UQCRC1: variants seen among roughly 807,000 people sequenced by gnomAD.
The protein encoded by UQCRC1 is cytochrome b-c1 complex subunit 1, mitochondrial.
UQCRC1 carries 34 observed loss-of-function variants against 58.0 expected under a neutral mutation model. That is an observed-to-expected ratio of 0.59 (90% CI 0.45 to 0.78). UQCRC1 has a LOEUF of 0.78. Among genes scored for constraint, UQCRC1 ranks in the 30% least tolerant of loss-of-function variants. The pLI is 0.00. For missense variants in UQCRC1, 610 were observed against 646.0 expected (o/e 0.94, Z 0.60); for synonymous variants, 276 against 248.8 (o/e 1.11, Z -1.03).
chr3:48,599,184 C>A lies in UQCRC1; in HGVS notation c.1387G>T (p.Glu463Ter), dbSNP rs768507724. ...ATCCGGTTGTAGTCTGGGAGCTGCT[C>A]AATGGGGCCTGTGGGGATAGGGTGG... ...CPAVAGYGPI[E>*]QLPDYNRIRS... The change falls in exon 13 of 13, where the codon GAG (glutamate) becomes TAG (stop). Residue 463 changes from glutamate to a stop codon, truncating the protein, a stop_gained. Transcript: ENST00000203407. LOFTEE classifies it high-confidence loss of function. The A allele has an allele frequency of 6.2e-7, 1 of 1,607,522 alleles. No individual in the cohort carries two copies. Among genetic ancestry groups the A allele is most frequent in the Non-Finnish European group, 8.5e-7 (1 of 1,176,024 alleles).
intron 3 of UQCRC1, 21 bp from the exon 4 acceptor site, chr3:48,604,801 G>C: frequency 6.2e-7 from 1 of 1,613,440 alleles, no homozygotes; most frequent in Non-Finnish European, 8.5e-7. Context: ...ATATCAACCA[G>C]AACAATCAGG....
intron 6 of UQCRC1, among the ~76,000 whole-genome samples, chr3:48,602,751 T>C (rs1285399669): frequency 1.3e-5 from 2 of 151,200 alleles, no homozygotes; most frequent in Non-Finnish European, 3.0e-5. Context: ...TCGAACTCCT[T>C]ACCTCAGGTG....
At chr3:48,603,894 G>C in intron 5 of UQCRC1, 1 of 587,422 alleles carries the variant, frequency 1.7e-6, no homozygotes. Flanking sequence ...GAGAAGGCGT[G>C]AGCCAACACT....
At chr3:48,600,440 C>G in intron 10 of UQCRC1, 42 bp downstream of exon 10, 2 of 1,610,024 alleles carry the variant, frequency 1.2e-6, no homozygotes, top group Non-Finnish European at 1.7e-6. Context: ...CTGTCGCTGG[C>G]AAGATGTACT....
At chr3:48,605,611 T>G (rs888752836) in intron 3 of UQCRC1, among the ~76,000 whole-genome samples, 159 bp downstream of exon 3, 2 of 152,012 alleles carry the variant, frequency 1.3e-5, no homozygotes, top group African/African-American at 4.8e-5. Flanking sequence ...ACGTGCCCAC[T>G]CAGGAGAGGT....
At chr3:48,608,695 G>C (rs2046435408) in intron 2 of UQCRC1, among the ~76,000 whole-genome samples, 1 of 152,176 alleles carries the variant, frequency 6.6e-6, no homozygotes, top group South Asian at 2.1e-4. Context: ...TGTCAATTTA[G>C]AGAATTTGTA....
At chr3:48,599,291 C>T (rs2046339566) in intron 12 of UQCRC1, 99 bp from the exon 13 acceptor site, 3 of 1,325,114 alleles carry the variant, frequency 2.3e-6, no homozygotes, top group Admixed American at 4.5e-5. Context: ...CCCAGAGCAG[C>T]ACAAGACAGG....
Position 48,599,194 on chromosome 3 carries a change from T to TG in UQCRC1, c.1379-3dup. ...AGTCTGGGAGCTGCTCAATGGGGCC[T>TG]GTGGGGATAGGGTGGAGCGTCAGGG... On this transcript the variant is annotated splice_polypyrimidine_tract_variant and splice_region_variant and intron_variant, in intron 12 of 12. Coordinates refer to ENST00000203407, the MANE Select transcript of UQCRC1 (RefSeq NM_003365.3). 3 of 1,602,110 alleles carry TG rather than the reference T, an allele frequency of 1.9e-6. No individual in the cohort carries two copies. Among genetic ancestry groups the TG allele is most frequent in the Non-Finnish European group, 2.6e-6 (3 of 1,172,318 alleles).
Position 48,609,280 on chromosome 3 carries a change from GC to G in UQCRC1, c.91del (p.Ala31ProfsTer137). 6.2e-7 allele frequency: 1 copy of G among 1,610,650 alleles called. No homozygotes were observed. Among genetic ancestry groups the G allele is most frequent in the Non-Finnish European group, 8.5e-7 (1 of 1,178,174 alleles). On this transcript the variant is annotated frameshift_variant, in exon 2 of 13. Transcript: ENST00000203407. LOFTEE classifies it high-confidence loss of function. ...RRSPALLRTP[A>X]LRSTATFAQA... ...AGCGAAGGTTGCCGTACTCCGCAAG[GC>G]TGGCGTCCGCAGCAGGGCCGGCTGT...
In UQCRC1 at chr3:48,600,529, G is replaced by A. The variant is rs758729616; in HGVS notation, c.1166C>T (p.Ala389Val). Residue 389 changes from alanine to valine, a missense_variant, in exon 10 of 13, where the codon GCC (alanine) becomes GTC (valine). By Grantham distance (64) the Ala-to-Val change is moderately conservative. Coordinates refer to ENST00000203407, the MANE Select transcript of UQCRC1 (RefSeq NM_003365.3). Reference sequence around the variant, plus strand: ...ATTTCTGAGGATGTTTTTGCCCCGGGCCACCTCACTCTCCGTGGCACTGGT... The same window carrying A: ...ATTTCTGAGGATGTTTTTGCCCCGGACCACCTCACTCTCCGTGGCACTGGT... ...LCTSATESEV[A>V]RGKNILRNAL... The A allele has an allele frequency of 6.2e-7, 1 of 1,614,074 alleles. No homozygotes were observed. Among genetic ancestry groups the A allele is most frequent in the Non-Finnish European group, 8.5e-7 (1 of 1,180,014 alleles).
chr3:48,609,036 T>G, intron 2 of UQCRC1, 126 bp downstream of exon 2: 1 of 1,308,250 alleles, frequency 7.6e-7, no homozygotes. Flanking sequence ...ATTCTCGGGG[T>G]GAGTGGTCCT....
rs199646305 is a variant in UQCRC1, at chr3:48,600,745, C to G, written c.1062G>C (p.Leu354=). 8 of 1,614,186 alleles carry G rather than the reference C, an allele frequency of 5.0e-6. No homozygotes were observed. The highest frequency in any genetic ancestry group is 5.9e-6 in the Non-Finnish European group (7 of 1,180,040). Residue 354 remains leucine (L), a synonymous_variant, in exon 9 of 13, where the codon CTG becomes CTC. Transcript: ENST00000203407. ...TTCGGTCACAGACAAAGTGTGCACC[C>G]AGCAAGCCCGTCTCTGCATAGCAGA... ...FSICYAETGL[L]GAHFVCDRMK...
chr3:48,605,862 C>A lies in UQCRC1; in HGVS notation c.211-6G>T. ...ACATCAATCCACACTCCCACCTGGT[C>A]AAGAAGCCACCAGAAAAGGTTACAA... On this transcript the variant is annotated splice_polypyrimidine_tract_variant and splice_region_variant and intron_variant, in intron 2 of 12. Transcript: ENST00000203407. 6.2e-7 allele frequency: 1 copy of A among 1,613,286 alleles called. No homozygotes were observed. Among genetic ancestry groups the A allele is most frequent in the South Asian group, 1.1e-5 (1 of 90,940 alleles).
At chr3:48,602,601 C>T (rs1459767556) in intron 6 of UQCRC1, among the ~76,000 whole-genome samples, 4 of 150,956 alleles carry the variant, frequency 2.6e-5, no homozygotes, top group Non-Finnish European at 5.9e-5. Flanking sequence ...CAGCTCGCTG[C>T]AACCTCCGTC....
rs1575512268 is a variant in UQCRC1, at chr3:48,601,184, T to C, written c.823-66A>G. Reference sequence around the variant, plus strand: ...CCAGGGGAACAGAAAAGGTGGCAGGTGTGGGTAGAGGGTGTATGTGTGTGA... The same window carrying C: ...CCAGGGGAACAGAAAAGGTGGCAGGCGTGGGTAGAGGGTGTATGTGTGTGA... On this transcript the variant is annotated intron_variant, in intron 7 of 12. Transcript: ENST00000203407. 1.2e-5 allele frequency: 18 copies of C among 1,560,994 alleles called. No homozygotes were observed. The East Asian group carries it at 3.9e-4, about 34-fold the overall frequency.
intron 1 of UQCRC1, 53 bp downstream of exon 1, chr3:48,609,499 G>C (rs758979342): frequency 6.2e-5 from 96 of 1,539,578 alleles, no homozygotes; most frequent in Non-Finnish European, 8.3e-5. Context: ...GCCCACACCT[G>C]TCCGCTTCCC....
rs575926762 is a variant in UQCRC1, at chr3:48,599,080, G to A, written c.*48C>T. The A allele has an allele frequency of 3.1e-6, 5 of 1,601,606 alleles. No individual in the cohort carries two copies. The highest frequency in any genetic ancestry group is 4.3e-6 in the Non-Finnish European group (5 of 1,171,086). On this transcript the variant is annotated 3_prime_UTR_variant, in exon 13 of 13. Transcript: ENST00000203407. Reference sequence around the variant, plus strand: ...GAAGTGCTGTGTTTGTGGTGGGGGGGGGACCACAAACCCCGGCCCTGCCCT... The same window carrying A: ...GAAGTGCTGTGTTTGTGGTGGGGGGAGGACCACAAACCCCGGCCCTGCCCT...
At chr3:48,606,087 G>A (rs2046408346) in intron 2 of UQCRC1, among the ~76,000 whole-genome samples, 1 of 152,138 alleles carries the variant, frequency 6.6e-6, no homozygotes, top group African/African-American at 2.4e-5. Context: ...TGGCTATCAA[G>A]GACCCACAGG....
chr3:48,600,115 A>C lies in UQCRC1; in HGVS notation c.1250T>G (p.Leu417Arg). ...TPVCEDIGRSLLTYGRRIPLA... is the reference protein window; with the variant it reads ...TPVCEDIGRSRLTYGRRIPLA... Reference sequence around the variant, plus strand: ...GGGGATGCGGCGGCCATAGGTCAGGAGGCTGCGTCCGATGTCCTCACACAC... The same window carrying C: ...GGGGATGCGGCGGCCATAGGTCAGGCGGCTGCGTCCGATGTCCTCACACAC... The change falls in exon 11 of 13, where the codon CTC becomes CGC. Residue 417 changes from leucine to arginine, a missense_variant. By Grantham distance (102) the Leu-to-Arg change is moderately radical. Transcript: ENST00000203407. The C allele has an allele frequency of 6.2e-7, 1 of 1,614,106 alleles. No homozygotes were observed. The highest frequency in any genetic ancestry group is 8.5e-7 in the Non-Finnish European group (1 of 1,180,002).
Sources: gnomAD v4.1 joint callset for allele counts (sites outside exome capture counted in the v4.1 genomes callset) on GRCh38, gnomAD v4.1.1 for gene constraint, MANE v1.5 for transcripts, NCBI Gene and HGNC (gene_info 2026-07-23, HGNC 2026-07-21) for gene names.